Variants in SRD5A2 observed in about 807,000 individuals in gnomAD.
The protein encoded by SRD5A2 is steroid 5 alpha-reductase 2.
A neutral mutation model predicts 27.4 loss-of-function variants in SRD5A2; 30 were observed. The observed-to-expected ratio is 1.10, with a 90% CI of 0.82 to 1.49. SRD5A2 has a LOEUF of 1.49. Among genes scored for constraint, SRD5A2 ranks in the 40% most tolerant of loss-of-function variants. The pLI is 0.00. For synonymous variants in SRD5A2, 141 were observed against 133.6 expected, an observed-to-expected ratio of 1.06 and a Z score of -0.38; for missense variants, 348 against 323.4, an observed-to-expected ratio of 1.08 and a Z score of -0.58.
chr2:31,660,700 G>GT, the SRD5A2 span, among the ~76,000 whole-genome samples: 3 of 152,024 alleles, frequency 2.0e-5, no homozygotes, highest in East Asian at 5.8e-4. Context: ...TAAAAATTAA[G>GT]TAAAAAATAT....
chr2:31,650,494 C>T, the SRD5A2 span, among the ~76,000 whole-genome samples: 3 of 152,142 alleles, frequency 2.0e-5, no homozygotes, highest in South Asian at 6.2e-4. Context: ...TCATCCTTTC[C>T]TCCTCTAGAT....
the SRD5A2 span, among the ~76,000 whole-genome samples, chr2:31,627,433 G>GGT: frequency 0.12 from 17,275 of 149,746 alleles, 1,082 homozygotes; most frequent in Middle Eastern, 0.16. Context: ...TTTGTACGGG[G>GGT]GTGTGTGTGT....
chr2:31,563,071 T>C, intron 1 of SRD5A2: 1 of 152,176 alleles, frequency 6.6e-6, no homozygotes, highest in South Asian at 2.1e-4. Context: ...TCCTACTCTA[T>C]AGTCCTACAG....
At chr2:31,656,712 A>T in the SRD5A2 span, among the ~76,000 whole-genome samples, 1 of 152,146 alleles carries the variant, frequency 6.6e-6, no homozygotes, top group Non-Finnish European at 1.5e-5. Context: ...AGTCACCTTG[A>T]TCTGGGACTT....
chr2:31,649,593 C>A, the SRD5A2 span, among the ~76,000 whole-genome samples: 1 of 151,992 alleles, frequency 6.6e-6, no homozygotes, highest in South Asian at 2.1e-4. Context: ...ACTGGGATAA[C>A]TTTTTTATAA....
chr2:31,635,730 T>G, the SRD5A2 span, among the ~76,000 whole-genome samples: 5 of 152,118 alleles, frequency 3.3e-5, no homozygotes, highest in African/African-American at 1.2e-4. Context: ...GATTTAAATT[T>G]TGTGTATGCT....
chr2:31,526,233 G>C lies in SRD5A2; in HGVS notation c.728C>G (p.Pro243Arg), dbSNP rs969660184. The part of the protein sequence containing the change: ...RFYLKMFEDY[P>R]KSRKALIPFI... ...TGGAATAAGGGCTTTCCGAGATTTG[G>C]GGTAGTCCTCAAACATCTTGAGGTA... Residue 243 changes from proline (P) to arginine (R), a missense_variant, in exon 5 of 5, where the codon CCC (proline) becomes CGC (arginine). Physicochemically the swap from Pro to Arg is moderately radical, Grantham distance 103. Coordinates refer to ENST00000622030, the MANE Select transcript of SRD5A2 (RefSeq NM_000348.4). 1.9e-6 allele frequency: 3 copies of C among 1,590,148 alleles called. No homozygotes were observed. In the African/African-American group the frequency reaches 4.0e-5, roughly 21 times the overall value.
chr2:31,611,983 T>G, the SRD5A2 span, among the ~76,000 whole-genome samples: 4 of 152,032 alleles, frequency 2.6e-5, no homozygotes, highest in African/African-American at 9.7e-5. Flanking sequence ...ACAGTATATA[T>G]TAAGGATAAA....
Position 31,574,729 on chromosome 2 carries a change from C to T in SRD5A2, c.281+5891G>A, listed in dbSNP as rs186519081. The stretch of plus-strand genomic sequence containing the variant: ...TAGCAGAAATTTTCTAAGATATGCC[C>T]GCTGCTTTGCTATAGAATTTAACCA... On this transcript the variant is annotated intron_variant, in intron 1 of 4. Transcript: ENST00000622030. 1.1e-3 allele frequency among the ~76,000 whole-genome samples: 170 copies of T among 152,280 alleles called. 1 individual carries two copies. Among genetic ancestry groups the T allele is most frequent in the African/African-American group, 3.9e-3 (164 of 41,562 alleles).
the SRD5A2 span, among the ~76,000 whole-genome samples, chr2:31,592,205 G>T: frequency 6.6e-6 from 1 of 151,686 alleles, no homozygotes; most frequent in Non-Finnish European, 1.5e-5. Flanking sequence ...GCAGATGGTG[G>T]TCTTTTGAAA....
chr2:31,612,316 G>T, the SRD5A2 span, among the ~76,000 whole-genome samples: 5 of 148,886 alleles, frequency 3.4e-5, no homozygotes, highest in South Asian at 2.1e-4. Flanking sequence ...AAAGAAAAAA[G>T]AATAAACTAT....
chr2:31,533,557 G>C (rs1283252376), intron 2 of SRD5A2, 46 bp downstream of exon 2: 2 of 1,529,526 alleles, frequency 1.3e-6, no homozygotes. Flanking sequence ...ATTGTGGGAA[G>C]GGTTGTTAGC....
chr2:31,522,901 T>G lies in SRD5A2; in HGVS notation c.*3295A>C, dbSNP rs1665687152. 1 of 223,544 alleles carries G rather than the reference T, an allele frequency of 4.5e-6. No individual in the cohort carries two copies. The highest frequency in any genetic ancestry group is 8.9e-6 in the Non-Finnish European group (1 of 112,102). 13.8% of individuals were successfully genotyped at this position (223,544 alleles called of 1,614,324 possible). Reference sequence around the variant, plus strand: ...ATTCCTTCATGTGCCAAGAGCTTGCTCCCCTGCTTCTTAGTGAGATTGCCA... The same window carrying G: ...ATTCCTTCATGTGCCAAGAGCTTGCGCCCCTGCTTCTTAGTGAGATTGCCA... On this transcript the variant is annotated 3_prime_UTR_variant, in exon 5 of 5. Transcript: ENST00000622030.
chr2:31,601,727 T>G, the SRD5A2 span, among the ~76,000 whole-genome samples: 999 of 152,212 alleles, frequency 6.6e-3, 15 homozygotes, highest in African/African-American at 0.023. Context: ...TCAAGTAGGC[T>G]TCATCCCCAG....
At chr2:31,559,223 C>A (rs1666564353) in intron 1 of SRD5A2, among the ~76,000 whole-genome samples, 1 of 152,200 alleles carries the variant, frequency 6.6e-6, no homozygotes, top group South Asian at 2.1e-4. Flanking sequence ...GCTTGACCTG[C>A]TGCCGAGTCC....
chr2:31,548,792 T>C (rs1666316769), intron 1 of SRD5A2, among the ~76,000 whole-genome samples: 1 of 152,124 alleles, frequency 6.6e-6, no homozygotes, highest in Non-Finnish European at 1.5e-5. Flanking sequence ...CACACATTGA[T>C]AGAAGCATTA....
At chr2:31,658,613 A>C in the SRD5A2 span, among the ~76,000 whole-genome samples, 1 of 152,066 alleles carries the variant, frequency 6.6e-6, no homozygotes, top group South Asian at 2.1e-4. Context: ...CAAACTAAAA[A>C]ACCTAGAAGA....
Position 31,525,888 on chromosome 2 carries a change from T to C in SRD5A2, c.*308A>G, listed in dbSNP as rs1362022819. 2 of 312,880 alleles carry C rather than the reference T, an allele frequency of 6.4e-6. No homozygotes were observed. Among genetic ancestry groups the C allele is most frequent in the Non-Finnish European group, 1.2e-5 (2 of 167,694 alleles). 19.4% of individuals were successfully genotyped at this position (312,880 alleles called of 1,614,324 possible). On this transcript the variant is annotated 3_prime_UTR_variant, in exon 5 of 5. Coordinates refer to ENST00000622030, the MANE Select transcript of SRD5A2 (RefSeq NM_000348.4). ...GGAGTGGGTATGAAGCCACATGTACTTGGATTGCCCGGTGAAAGACATAGG... is the reference window on the plus strand; with the variant it reads ...GGAGTGGGTATGAAGCCACATGTACCTGGATTGCCCGGTGAAAGACATAGG...
At chr2:31,529,556 A>T in intron 3 of SRD5A2, 99 bp from the exon 4 acceptor site, 1 of 1,485,852 alleles carries the variant, frequency 6.7e-7, no homozygotes, top group Non-Finnish European at 9.0e-7. Context: ...CAGCAAGAAC[A>T]AATGTGGGGC....
Sources: allele counts gnomAD v4.1 joint callset (sites outside exome capture counted in the v4.1 genomes callset), GRCh38; gene constraint gnomAD v4.1.1; transcripts MANE v1.5; gene names NCBI Gene and HGNC (gene_info 2026-07-23, HGNC 2026-07-21).